Variants in SCUBE1 observed in about 807,000 individuals in gnomAD.
SCUBE1 encodes signal peptide, CUB and EGF-like domain-containing protein 1.
A neutral mutation model predicts 124.4 loss-of-function variants in SCUBE1; 59 were observed. The observed-to-expected ratio is 0.47, with a 90% CI of 0.38 to 0.59. SCUBE1 has a LOEUF of 0.59. SCUBE1 is among the 20% of genes least tolerant of loss of function. The pLI, the probability that SCUBE1 is intolerant of heterozygous loss-of-function variation, is 0.00. For missense variants in SCUBE1, 1,150 were observed against 1,371.2 expected (o/e 0.84, Z 2.55); for synonymous variants, 545 against 550.9 (o/e 0.99, Z 0.15).
At chr22:43,279,291 G>C (rs969259299) in intron 4 of SCUBE1, among the ~76,000 whole-genome samples, 2 of 152,234 alleles carry the variant, frequency 1.3e-5, no homozygotes, top group Non-Finnish European at 2.9e-5. Context: ...TCAGGCCCCA[G>C]AGGCAGGGTG....
intron 14 of SCUBE1, 32 bp from the exon 15 acceptor site, chr22:43,218,490 G>A (rs984307969): frequency 7.5e-6 from 12 of 1,598,608 alleles, no homozygotes; most frequent in South Asian, 4.4e-5. Flanking sequence ...AACATGAATC[G>A]CTGGCAACCT....
At chr22:43,230,269 C>G (rs774597316) in intron 8 of SCUBE1, among the ~76,000 whole-genome samples, 10 of 152,104 alleles carry the variant, frequency 6.6e-5, no homozygotes, top group Non-Finnish European at 1.5e-4. Flanking sequence ...CATCTGAACT[C>G]CCCTCCCCTC....
chr22:43,236,253 A>C (rs571622165), intron 7 of SCUBE1, among the ~76,000 whole-genome samples: 2 of 152,276 alleles, frequency 1.3e-5, no homozygotes, highest in East Asian at 3.9e-4. Flanking sequence ...CATACCAATG[A>C]CACCAACCCT....
chr22:43,331,698 G>C (rs984830680), intron 2 of SCUBE1, among the ~76,000 whole-genome samples: 5 of 152,188 alleles, frequency 3.3e-5, no homozygotes, highest in African/African-American at 4.8e-5. Flanking sequence ...AGGCAATTAA[G>C]GTTAAATGAG....
intron 4 of SCUBE1, among the ~76,000 whole-genome samples, chr22:43,265,312 G>A (rs750268669): frequency 2.0e-5 from 3 of 152,264 alleles, no homozygotes; most frequent in South Asian, 4.1e-4. Flanking sequence ...CTTTGGGGAC[G>A]TACTCTAGCA....
chr22:43,320,991 T>C (rs1046303090), intron 2 of SCUBE1, among the ~76,000 whole-genome samples: 1 of 152,180 alleles, frequency 6.6e-6, no homozygotes, highest in African/African-American at 2.4e-5. Flanking sequence ...AGCATCCCCC[T>C]GAGACCCCTC....
chr22:43,224,450 C>T (rs1922225167), intron 10 of SCUBE1, among the ~76,000 whole-genome samples: 1 of 152,218 alleles, frequency 6.6e-6, no homozygotes, highest in Admixed American at 6.5e-5. Flanking sequence ...TTTTGTTGTG[C>T]TCTGACTTGT....
At chr22:43,220,882 G>C (rs750754730) in intron 13 of SCUBE1, among the ~76,000 whole-genome samples, 1 of 152,132 alleles carries the variant, frequency 6.6e-6, no homozygotes, top group South Asian at 2.1e-4. Flanking sequence ...GTGCAGACTC[G>C]GCTCTGGGCA....
At chr22:43,212,278 C>T in intron 17 of SCUBE1, 147 bp downstream of exon 17, 9 of 876,640 alleles carry the variant, frequency 1.0e-5, no homozygotes, top group Non-Finnish European at 1.4e-5. Flanking sequence ...GTGGGTCACC[C>T]ACGCCCACGC....
intron 5 of SCUBE1, among the ~76,000 whole-genome samples, chr22:43,259,119 G>GA (rs1923778250): frequency 6.6e-6 from 1 of 152,200 alleles, no homozygotes; most frequent in Non-Finnish European, 1.5e-5. Context: ...GTCTGAAGTA[G>GA]AAAAAACTAC....
At chr22:43,289,857 C>T (rs1000549217) in intron 4 of SCUBE1, among the ~76,000 whole-genome samples, 22 of 151,822 alleles carry the variant, frequency 1.4e-4, no homozygotes, top group African/African-American at 5.1e-4. Context: ...CCAGTGCGTG[C>T]CCTTTGGTTC....
Position 43,255,364 on chromosome 22 carries a change from C to A in SCUBE1, c.727+2855G>T. 1 of 833,194 alleles carries A rather than the reference C, an allele frequency of 1.2e-6. No individual in the cohort carries two copies. 51.6% of individuals were successfully genotyped at this position (833,194 alleles called of 1,614,324 possible). A position where few individuals can be genotyped will look rare whatever the true frequency, so the allele number is the denominator to read the frequency against. ...ACACAGACATATGCCCCCACACGCACACGTCACACCCACACACAGCACACA... is the reference window on the plus strand; with the variant it reads ...ACACAGACATATGCCCCCACACGCAAACGTCACACCCACACACAGCACACA... On this transcript the variant is annotated intron_variant, in intron 6 of 21. Transcript: ENST00000360835. This position sits in a 1 kb window ranked among gnomAD's most constrained non-coding sequence, Gnocchi z 4.7.
At chr22:43,233,699 C>G (rs1922648314) in intron 7 of SCUBE1, 1 of 152,356 alleles carries the variant, frequency 6.6e-6, no homozygotes, top group African/African-American at 2.4e-5. Flanking sequence ...CTACTCTGAC[C>G]TCAGGCCGGC....
chr22:43,287,243 T>G (rs1036244706), intron 4 of SCUBE1, among the ~76,000 whole-genome samples: 1 of 152,214 alleles, frequency 6.6e-6, no homozygotes, highest in Non-Finnish European at 1.5e-5. Context: ...GAGGAGCCTG[T>G]GTGTGTCCCC....
intron 4 of SCUBE1, among the ~76,000 whole-genome samples, chr22:43,267,902 T>C (rs534564284): frequency 2.8e-4 from 42 of 152,280 alleles, no homozygotes; most frequent in South Asian, 1.2e-3. Context: ...AAGTTGAGAT[T>C]TGAAGGGGAA....
At chr22:43,290,308 CAT>C (rs1483377053) in intron 4 of SCUBE1, among the ~76,000 whole-genome samples, 1 of 152,152 alleles carries the variant, frequency 6.6e-6, no homozygotes, top group Non-Finnish European at 1.5e-5. Flanking sequence ...CCTCCAAGCA[CAT>C]GTGTCCTGGC....
At chr22:43,247,718 C>A (rs575529191) in intron 6 of SCUBE1, among the ~76,000 whole-genome samples, 7 of 152,318 alleles carry the variant, frequency 4.6e-5, no homozygotes, top group African/African-American at 1.7e-4. Flanking sequence ...GAGGAGCAGG[C>A]CGTTGCCCCC....
chr22:43,259,307 G>A (rs1434981290), intron 5 of SCUBE1, among the ~76,000 whole-genome samples: 1 of 152,150 alleles, frequency 6.6e-6, no homozygotes, highest in Non-Finnish European at 1.5e-5. Context: ...AGTATGGGGC[G>A]TGTTCTTGGA....
chr22:43,199,377 AAC>A lies in SCUBE1; in HGVS notation c.*4618_*4619del, dbSNP rs1173590099. The stretch of plus-strand genomic sequence containing the variant: ...GCCTGCGGATGGTGCGTCTCTTAAG[AAC>A]GAGCGTGCATGAAAAGGGGGGCCAT... On this transcript the variant is annotated 3_prime_UTR_variant, in exon 22 of 22. Coordinates refer to ENST00000360835, the MANE Select transcript of SCUBE1 (RefSeq NM_173050.5). 3 of 151,964 alleles carry A rather than the reference AAC, an allele frequency of 2.0e-5. No individual in the cohort carries two copies. Among genetic ancestry groups the A allele is most frequent in the African/African-American group, 7.3e-5 (3 of 40,882 alleles). The allele number at this position is 151,964 out of a possible 1,614,324, so 9.4% of individuals were successfully genotyped here.
Sources: gnomAD v4.1 joint callset for allele counts (sites outside exome capture counted in the v4.1 genomes callset) on GRCh38, gnomAD v4.1.1 for gene constraint, Gnocchi (gnomAD v3.1) non-coding constraint, MANE v1.5 for transcripts, NCBI Gene and HGNC (gene_info 2026-07-23, HGNC 2026-07-21) for gene names.